The following SRGAP3 variants were observed in gnomAD, a reference collection of about 807,000 sequenced individuals.
The protein encoded by SRGAP3 is SLIT-ROBO Rho GTPase-activating protein 3.
Under a neutral mutation model 121.1 loss-of-function variants are expected in SRGAP3, and 39 were observed. The ratio of observed to expected loss-of-function variants is 0.32; its 90% CI spans 0.25 to 0.42. SRGAP3 has a LOEUF of 0.42. Ranked by LOEUF, SRGAP3 falls within the 10% of genes least tolerant of loss-of-function variation. The pLI, the probability that SRGAP3 is intolerant of heterozygous loss-of-function variation, is 1.00. For synonymous variants in SRGAP3, 601 were observed against 570.0 expected (o/e 1.05, Z -0.77); for missense variants, 1,213 against 1,470.6 (o/e 0.82, Z 2.86).
At chr3:9,018,006 C>T (rs562482855) in intron 14 of SRGAP3, among the ~76,000 whole-genome samples, 1 of 152,152 alleles carries the variant, frequency 6.6e-6, no homozygotes, top group Non-Finnish European at 1.5e-5. Flanking sequence ...TTTCATTCTC[C>T]ACTCCCACTC....
At chr3:9,272,466 T>C (rs1284406917) in intron 3 of SRGAP3, among the ~76,000 whole-genome samples, 2 of 152,240 alleles carry the variant, frequency 1.3e-5, no homozygotes, top group African/African-American at 4.8e-5. Flanking sequence ...TGAATTTGAC[T>C]ACTCTAGGTA....
At chr3:9,022,062 C>T (rs1460610019) in intron 14 of SRGAP3, among the ~76,000 whole-genome samples, 2 of 152,252 alleles carry the variant, frequency 1.3e-5, no homozygotes, top group East Asian at 3.8e-4. Context: ...GGCGCAGTGG[C>T]TCACGCCTAT....
At chr3:9,017,075 T>G (rs1178329545) in intron 14 of SRGAP3, among the ~76,000 whole-genome samples, 2 of 152,202 alleles carry the variant, frequency 1.3e-5, no homozygotes, top group Non-Finnish European at 2.9e-5. Context: ...GATCCAGATC[T>G]TGAATCAAAC....
intron 14 of SRGAP3, among the ~76,000 whole-genome samples, chr3:9,021,304 GCACTCC>G (rs1268089821): frequency 1.3e-5 from 2 of 152,198 alleles, no homozygotes; most frequent in East Asian, 3.9e-4. Context: ...AGAGACCTCA[GCACTCC>G]CATCTGTGCA....
chr3:9,300,438 G>A lies in SRGAP3; in HGVS notation n.442+25572C>T, dbSNP rs1670197330. 2.6e-5 allele frequency among the ~76,000 whole-genome samples: 4 copies of A among 151,802 alleles called. No individual in the cohort carries two copies. In the South Asian group the frequency reaches 8.4e-4, roughly 32 times the overall value. ...GCTTCCTCACATCTCCCCAGACAGT[G>A]AGGCATCTGCCCCTGTGCTCCTTTG... is the stretch of plus-strand genomic sequence containing the variant. On this transcript the variant is annotated intron_variant and non_coding_transcript_variant, in intron 3 of 3. Coordinates refer to the SRGAP3 transcript ENST00000490889.
intron 5 of SRGAP3, 66 bp downstream of exon 5, chr3:9,064,330 C>A: frequency 5.0e-6 from 8 of 1,608,714 alleles, no homozygotes; most frequent in Non-Finnish European, 5.9e-6. Context: ...AGGCTGTCCG[C>A]CAAGACCATG....
At chr3:9,257,797 T>C (rs1383935424) in intron 3 of SRGAP3, among the ~76,000 whole-genome samples, 1 of 135,976 alleles carries the variant, frequency 7.4e-6, no homozygotes, top group Non-Finnish European at 1.5e-5. Flanking sequence ...CTCTGCCTCC[T>C]AGGTTCAAGC....
At chr3:9,005,100 C>T (rs1302196596) in intron 18 of SRGAP3, among the ~76,000 whole-genome samples, 1 of 152,026 alleles carries the variant, frequency 6.6e-6, no homozygotes, top group Non-Finnish European at 1.5e-5. Context: ...ATAATAAAAA[C>T]ACAAATAACC....
intron 1 of SRGAP3, among the ~76,000 whole-genome samples, chr3:9,241,530 T>C (rs1306205841): frequency 1.3e-5 from 2 of 152,232 alleles, no homozygotes; most frequent in African/African-American, 4.8e-5. Context: ...ACATCTCATC[T>C]ACCAAGGAAA....
intron 4 of SRGAP3, chr3:9,065,578 C>T (rs976263914): frequency 6.6e-6 from 1 of 152,224 alleles, no homozygotes; most frequent in African/African-American, 2.4e-5. Context: ...AATCCAGTTC[C>T]ATGGAATCAT....
intron 1 of SRGAP3, among the ~76,000 whole-genome samples, chr3:9,240,512 T>A (rs572782677): frequency 1.3e-5 from 2 of 152,238 alleles, no homozygotes; most frequent in African/African-American, 4.8e-5. Flanking sequence ...TCCAAGGTAC[T>A]ACTCAGCTCT....
chr3:9,119,141 G>T (rs1948912200), intron 2 of SRGAP3, among the ~76,000 whole-genome samples: 1 of 152,054 alleles, frequency 6.6e-6, no homozygotes, highest in Non-Finnish European at 1.5e-5. Context: ...GACAATACAG[G>T]GCTGTAGCTC....
At chr3:9,270,523 G>T (rs4686338) in intron 3 of SRGAP3, among the ~76,000 whole-genome samples, 41,725 of 151,988 alleles carry the variant, frequency 0.27, 7,109 homozygotes, top group Non-Finnish European at 0.37. Flanking sequence ...AAAACTAATC[G>T]ACTTGTGCAT....
chr3:9,047,477 T>C lies in SRGAP3; in HGVS notation c.1324-2A>G. 6.2e-7 allele frequency: 1 copy of C among 1,614,172 alleles called. No homozygotes were observed. Among genetic ancestry groups the C allele is most frequent in the Non-Finnish European group, 8.5e-7 (1 of 1,180,012 alleles). ...GCCATTCACATACTCTTTAAATTTC[T>C]GTAAGACACAAGGCACAAGGAAGTT... is the stretch of plus-strand genomic sequence containing the variant. On this transcript the variant is annotated splice_acceptor_variant, in intron 9 of 21. Coordinates refer to ENST00000383836, the MANE Select transcript of SRGAP3 (RefSeq NM_014850.4). LOFTEE classifies it high-confidence loss of function.
At chr3:9,231,359 C>G (rs1953202821) in intron 1 of SRGAP3, among the ~76,000 whole-genome samples, 6 of 152,136 alleles carry the variant, frequency 3.9e-5, no homozygotes, top group Admixed American at 3.9e-4. Flanking sequence ...ACCCATTTGG[C>G]AGTAATGAGG....
At chr3:9,335,823 T>C (rs1265408905) in intron 1 of SRGAP3, among the ~76,000 whole-genome samples, 2 of 152,180 alleles carry the variant, frequency 1.3e-5, no homozygotes, top group African/African-American at 4.8e-5. Context: ...ATTTAAATGG[T>C]CTGGGATGCA....
intron 4 of SRGAP3, among the ~76,000 whole-genome samples, chr3:9,073,434 G>A (rs1352276893): frequency 6.6e-6 from 1 of 152,214 alleles, no homozygotes; most frequent in East Asian, 1.9e-4. Flanking sequence ...CGTGAGCCAA[G>A]CCCAGCCCAG....
Position 9,060,249 on chromosome 3 carries a change from A to G in SRGAP3, c.783T>C (p.Asp261=), listed in dbSNP as rs747912730. ...AGCTCACATCGATCAGATCAGAGAC[A>G]TCATGGATGTAGTATTTGCTTATAG... The part of the protein sequence containing the change: ...NAAISKYYIH[D]VSDLIDCCDL... The change falls in exon 6 of 22, where the codon GAT becomes GAC. Residue 261 remains aspartate (D), a synonymous_variant. Coordinates refer to ENST00000383836, the MANE Select transcript of SRGAP3 (RefSeq NM_014850.4). 1.9e-6 allele frequency: 3 copies of G among 1,614,106 alleles called. No individual in the cohort carries two copies. Among genetic ancestry groups the G allele is most frequent in the East Asian group, 2.2e-5 (1 of 44,880 alleles).
rs572314136 is a variant in SRGAP3, at chr3:9,343,611, TC to T, written n.215-13016del. 2.8e-4 allele frequency among the ~76,000 whole-genome samples: 42 copies of T among 152,366 alleles called. 1 individual carries two copies. The South Asian group carries it at 8.1e-3, about 29-fold the overall frequency. On this transcript the variant is annotated intron_variant and non_coding_transcript_variant, in intron 1 of 3. Transcript: ENST00000490889. The stretch of plus-strand genomic sequence containing the variant: ...GTATTATATATACTTCTAGCCATTT[TC>T]TATGAATAGGCATACATCTTTATAT...
Sources: allele counts gnomAD v4.1 joint callset (sites outside exome capture counted in the v4.1 genomes callset), GRCh38; gene constraint gnomAD v4.1.1; transcripts MANE v1.5; gene names NCBI Gene and HGNC (gene_info 2026-07-23, HGNC 2026-07-21).